The following HIVEP3 variants were observed in gnomAD, a reference collection of about 807,000 sequenced individuals.
HIVEP3 encodes the protein transcription factor HIVEP3.
HIVEP3 carries 49 observed loss-of-function variants against 152.8 expected under a neutral mutation model. That is an observed-to-expected ratio of 0.32 (90% CI 0.26 to 0.41). The LOEUF (loss-of-function observed/expected upper bound fraction) is 0.41, where lower values mean the gene tolerates loss of function less well. Ranked by LOEUF, HIVEP3 falls within the 10% of genes least tolerant of loss-of-function variation. HIVEP3 has a pLI of 1.00. For synonymous variants in HIVEP3, 1,269 were observed against 1,289.0 expected (o/e 0.98, Z 0.33); for missense variants, 2,790 against 3,103.3 (o/e 0.90, Z 2.40).
intron 2 of HIVEP3, among the ~76,000 whole-genome samples, chr1:41,666,388 G>T (rs1261279267): frequency 6.6e-6 from 1 of 152,108 alleles, no homozygotes; most frequent in Non-Finnish European, 1.5e-5. Context: ...CATAGACCTG[G>T]GTTCAGGCTC....
At chr1:41,790,456 G>A (rs1477257522) in intron 1 of HIVEP3, among the ~76,000 whole-genome samples, 2 of 152,074 alleles carry the variant, frequency 1.3e-5, no homozygotes, top group Non-Finnish European at 2.9e-5. Flanking sequence ...ACCCAGCCTC[G>A]CATATTACTT....
Position 41,513,582 on chromosome 1 carries a change from T to C in HIVEP3, c.5639A>G (p.Glu1880Gly). Residue 1880 changes from glutamate to glycine, a missense_variant, in exon 8 of 9, where the codon GAG becomes GGG. Physicochemically the swap from Glu to Gly is moderately conservative, Grantham distance 98. This residue lies in a region of HIVEP3 where 816 missense variants were observed against 806.5 expected (regional missense o/e 1.01). Transcript: ENST00000372583. ...ATGTGGTGGGCCAGGCGGGGGCGCC[T>C]CTGAGGATGGTCTGGACAGCTCATC... ...SQDELSRPSS[E>G]APPPGPPHAL... The C allele has an allele frequency of 6.2e-7, 1 of 1,613,338 alleles. No individual in the cohort carries two copies. The highest frequency in any genetic ancestry group is 8.5e-7 in the Non-Finnish European group (1 of 1,179,840).
At chr1:41,796,467 C>A (rs10493097) in intron 1 of HIVEP3, among the ~76,000 whole-genome samples, 11,129 of 152,244 alleles carry the variant, frequency 0.073, 1,090 homozygotes, top group African/African-American at 0.22. Flanking sequence ...CTGGTCGATT[C>A]TTTTTCCGTA....
chr1:41,998,776 A>G (rs1645409375), intron 1 of HIVEP3, among the ~76,000 whole-genome samples: 1 of 152,172 alleles, frequency 6.6e-6, no homozygotes, highest in Non-Finnish European at 1.5e-5. Flanking sequence ...ATTGTTAGAA[A>G]ATAAAATAAG....
intron 1 of HIVEP3, among the ~76,000 whole-genome samples, chr1:41,896,185 T>A (rs1023643517): frequency 2.0e-4 from 31 of 152,298 alleles, no homozygotes; most frequent in African/African-American, 7.0e-4. Flanking sequence ...ATGCAGCAGT[T>A]TTCCACTCTG....
intron 1 of HIVEP3, among the ~76,000 whole-genome samples, chr1:41,799,612 C>G (rs554028093): frequency 5.9e-5 from 9 of 152,306 alleles, no homozygotes; most frequent in Admixed American, 5.9e-4. Context: ...CCTAATTCTT[C>G]AGCTCCTATC....
chr1:41,930,236 T>C (rs760365788), intron 1 of HIVEP3, among the ~76,000 whole-genome samples: 2 of 152,172 alleles, frequency 1.3e-5, no homozygotes, highest in Non-Finnish European at 2.9e-5. Flanking sequence ...TTTTGTGCCA[T>C]ATAAAGCAGT....
At chr1:41,940,148 A>T (rs958999015) in intron 1 of HIVEP3, among the ~76,000 whole-genome samples, 9 of 152,202 alleles carry the variant, frequency 5.9e-5, no homozygotes, top group African/African-American at 2.2e-4. Flanking sequence ...TAAATATTCA[A>T]TCATATTTTT....
intron 1 of HIVEP3, among the ~76,000 whole-genome samples, chr1:41,893,699 T>C (rs1179640655): frequency 6.6e-6 from 1 of 150,906 alleles, no homozygotes; most frequent in African/African-American, 2.4e-5. Context: ...TTTATATATA[T>C]GTGTGTGTGT....
intron 2 of HIVEP3, among the ~76,000 whole-genome samples, chr1:41,631,752 C>T (rs1645198243): frequency 6.6e-6 from 1 of 152,180 alleles, no homozygotes; most frequent in African/African-American, 2.4e-5. Flanking sequence ...CCCAATTTCT[C>T]ACTACTCTGT....
At chr1:41,827,877 A>C (rs564800730) in intron 1 of HIVEP3, among the ~76,000 whole-genome samples, 1 of 151,990 alleles carries the variant, frequency 6.6e-6, no homozygotes, top group African/African-American at 2.4e-5. Flanking sequence ...GCATGGGGTA[A>C]AGTAGGGAGA....
At chr1:41,699,545 C>A (rs1428570967) in intron 2 of HIVEP3, among the ~76,000 whole-genome samples, 1 of 152,150 alleles carries the variant, frequency 6.6e-6, no homozygotes, top group Non-Finnish European at 1.5e-5. Context: ...GAGGGGGTGG[C>A]CTATTGTCCT....
intron 1 of HIVEP3, among the ~76,000 whole-genome samples, chr1:41,950,471 G>A (rs1461567762): frequency 2.6e-5 from 4 of 152,140 alleles, no homozygotes; most frequent in African/African-American, 9.7e-5. Context: ...TAACTTAAGA[G>A]GTGTTTTAAG....
chr1:41,618,484 C>T (rs1645001126), intron 3 of HIVEP3, among the ~76,000 whole-genome samples: 2 of 152,210 alleles, frequency 1.3e-5, no homozygotes, highest in Admixed American at 1.3e-4. Flanking sequence ...CTCCTGGCAG[C>T]CTCCTACCGA....
At chr1:41,880,903 A>T (rs1170726804) in intron 1 of HIVEP3, among the ~76,000 whole-genome samples, 6 of 152,230 alleles carry the variant, frequency 3.9e-5, no homozygotes, top group Non-Finnish European at 8.8e-5. Flanking sequence ...AATGGCATTA[A>T]ATCTAAATTT....
intron 7 of HIVEP3, among the ~76,000 whole-genome samples, chr1:41,514,046 C>T (rs1013165661): frequency 6.6e-6 from 1 of 152,208 alleles, no homozygotes; most frequent in Non-Finnish European, 1.5e-5. Flanking sequence ...CTGTTCTCAT[C>T]CTCATGTTAC....
intron 1 of HIVEP3, among the ~76,000 whole-genome samples, chr1:41,825,796 C>CG (rs1466946839): frequency 1.3e-5 from 2 of 151,650 alleles, no homozygotes; most frequent in East Asian, 3.9e-4. Context: ...TTTGTAGAGA[C>CG]GGGGTCTCTC....
Position 41,510,470 on chromosome 1 carries a change from C to A in HIVEP3, c.7202G>T (p.Arg2401Met), listed in dbSNP as rs760045015. The change falls in exon 9 of 9, where the codon AGG becomes ATG. Residue 2401 changes from arginine (R) to methionine (M), a missense_variant. By Grantham distance (91) the Arg-to-Met change is moderately conservative (BLOSUM62 -1). This residue lies in a region of HIVEP3 where 816 missense variants were observed against 806.5 expected (regional missense o/e 1.01). Coordinates refer to ENST00000372583, the MANE Select transcript of HIVEP3 (RefSeq NM_024503.5). ...GAGAGGCTAAGCGTTGGGGGGAACC[C>A]TGTCCTCAGGCTGATGTGGATGTGC... ...PRAHPHQPED[R>M]VPPNA 1.3e-6 allele frequency: 2 copies of A among 1,526,378 alleles called. No homozygotes were observed. Among genetic ancestry groups the A allele is most frequent in the South Asian group, 1.3e-5 (1 of 78,458 alleles). The allele number at this position is 1,526,378 out of a possible 1,614,324, so 94.6% of individuals were successfully genotyped here.
intron 5 of HIVEP3, among the ~76,000 whole-genome samples, chr1:41,527,086 A>G (rs1410363088): frequency 1.8e-5 from 1 of 54,198 alleles, no homozygotes; most frequent in East Asian, 4.4e-4. Flanking sequence ...CCTCACACAC[A>G]CCCACACACC....
Sources: gnomAD v4.1 joint callset for allele counts (sites outside exome capture counted in the v4.1 genomes callset) on GRCh38, gnomAD v4.1.1 for gene constraint, gnomAD v4.1.1 regional missense constraint, MANE v1.5 for transcripts, NCBI Gene and HGNC (gene_info 2026-07-23, HGNC 2026-07-21) for gene names.